ADAMTS6: variants seen among roughly 807,000 people sequenced by gnomAD.
The protein encoded by ADAMTS6 is A disintegrin and metalloproteinase with thrombospondin motifs 6.
A neutral mutation model predicts 144.3 loss-of-function variants in ADAMTS6; 23 were observed. The ratio of observed to expected loss-of-function variants is 0.16; its 90% CI spans 0.11 to 0.23. The LOEUF (loss-of-function observed/expected upper bound fraction) is 0.23. Ranked by LOEUF, ADAMTS6 falls within the 10% of genes least tolerant of loss-of-function variation. The probability of loss-of-function intolerance (pLI) is 1.00; values close to 1 mark genes in which losing one functional copy is unlikely to be tolerated. For missense variants in ADAMTS6, 999 were observed against 1,379.6 expected (o/e 0.72, Z 4.37); for synonymous variants, 444 against 457.5 (o/e 0.97, Z 0.38).
intron 7 of ADAMTS6, among the ~76,000 whole-genome samples, chr5:65,434,772 T>C (rs1757260982): frequency 6.6e-6 from 1 of 152,196 alleles, no homozygotes; most frequent in Admixed American, 6.5e-5. Flanking sequence ...ACTGGAACTC[T>C]TCTACACTGC....
intron 7 of ADAMTS6, among the ~76,000 whole-genome samples, chr5:65,403,461 T>C (rs1431139532): frequency 6.6e-6 from 1 of 152,138 alleles, no homozygotes; most frequent in East Asian, 1.9e-4. Context: ...TGATCAAGAA[T>C]TCTCGATCTT....
At chr5:65,480,549 T>C (rs923387081) in intron 1 of ADAMTS6, among the ~76,000 whole-genome samples, 1 of 152,188 alleles carries the variant, frequency 6.6e-6, no homozygotes, top group African/African-American at 2.4e-5. Context: ...CTCAGTGCGC[T>C]TTCTCAATCT....
At chr5:65,439,874 G>A (rs921547784) in intron 7 of ADAMTS6, among the ~76,000 whole-genome samples, 20 of 152,052 alleles carry the variant, frequency 1.3e-4, no homozygotes, top group African/African-American at 4.6e-4. Context: ...GCATGATTTC[G>A]GTTCACTGCA....
chr5:65,189,837 T>C (rs760440053), intron 21 of ADAMTS6, among the ~76,000 whole-genome samples: 3 of 152,240 alleles, frequency 2.0e-5, no homozygotes, highest in Non-Finnish European at 4.4e-5. Context: ...TAGTAAAATA[T>C]AGGTTACAAG....
chr5:65,227,267 T>C (rs776034012), intron 15 of ADAMTS6, among the ~76,000 whole-genome samples: 4 of 152,170 alleles, frequency 2.6e-5, no homozygotes, highest in Admixed American at 6.5e-5. Context: ...TCATTGAAAT[T>C]TGTGTTTTTT....
chr5:65,329,557 C>T, intron 8 of ADAMTS6, 74 bp from the exon 9 acceptor site: 2 of 1,299,534 alleles, frequency 1.5e-6, no homozygotes, highest in Non-Finnish European at 2.1e-6. Context: ...TTTATAAATG[C>T]CTGGATTCTT....
intron 24 of ADAMTS6, among the ~76,000 whole-genome samples, chr5:65,163,044 T>A (rs1282833189): frequency 6.6e-6 from 1 of 152,090 alleles, no homozygotes; most frequent in Non-Finnish European, 1.5e-5. Flanking sequence ...CAAGGAGCTA[T>A]GACTACAGCC....
Position 65,170,762 on chromosome 5 carries a change from C to T in ADAMTS6, c.3099G>A (p.Gln1033=), listed in dbSNP as rs756654519. Residue 1033 remains glutamine, a synonymous_variant, in exon 24 of 25, where the codon CAG becomes CAA. Transcript: ENST00000381055. ...VTGDWGQCSA[Q]CGLGQQMRTV... ...TTCTCATCTGCTGTCCAAGGCCACA[C>T]TGAGCAGAACACTAAATCCAAAGAC... 8.7e-6 allele frequency: 14 copies of T among 1,611,792 alleles called. No homozygotes were observed. In the Admixed American group the frequency reaches 1.9e-4, roughly 21 times the overall value.
intron 7 of ADAMTS6, among the ~76,000 whole-genome samples, chr5:65,423,902 C>G (rs749022036): frequency 3.9e-5 from 6 of 151,930 alleles, no homozygotes; most frequent in Non-Finnish European, 8.8e-5. Flanking sequence ...AGAAGCAATA[C>G]CAAGAATAAA....
intron 7 of ADAMTS6, among the ~76,000 whole-genome samples, chr5:65,395,741 T>A (rs1753280705): frequency 6.6e-6 from 1 of 152,182 alleles, no homozygotes; most frequent in East Asian, 1.9e-4. Flanking sequence ...CTTCTGTAGT[T>A]CTACTGTAAA....
At position 65,473,789 on chromosome 5, in the gene ADAMTS6, T is replaced by C; in HGVS notation, c.-116A>G. The C allele has an allele frequency of 1.3e-6, 1 of 768,060 alleles. No homozygotes were observed. Among genetic ancestry groups the C allele is most frequent in the Non-Finnish European group, 2.2e-6 (1 of 454,670 alleles). 47.6% of individuals were successfully genotyped at this position (768,060 alleles called of 1,614,324 possible). On this transcript the variant is annotated 5_prime_UTR_variant, in exon 2 of 25. Coordinates refer to ENST00000381055, the MANE Select transcript of ADAMTS6 (RefSeq NM_197941.4). Reference sequence around the variant, plus strand: ...TTTAAAACTTCTTGCAAATTAGTTATTGGATGTTCCACTGTTTAAGAGCCA... The same window carrying C: ...TTTAAAACTTCTTGCAAATTAGTTACTGGATGTTCCACTGTTTAAGAGCCA...
At chr5:65,365,810 A>G (rs1462930886) in intron 7 of ADAMTS6, among the ~76,000 whole-genome samples, 1 of 152,172 alleles carries the variant, frequency 6.6e-6, no homozygotes, top group Non-Finnish European at 1.5e-5. Context: ...AAACTATAAA[A>G]CATCCTATAT....
At chr5:65,188,341 A>C (rs1754798860) in intron 21 of ADAMTS6, 121 bp from the exon 22 acceptor site, 2 of 908,354 alleles carry the variant, frequency 2.2e-6, no homozygotes, top group Non-Finnish European at 3.4e-6. Context: ...TTGGTTAATA[A>C]GACAAATGGC....
Position 65,452,843 on chromosome 5 carries a change from GTGT to G in ADAMTS6, c.704_706del (p.Asn235del), listed in dbSNP as rs1341265633. ...TCTCTTCTGTCTGTGGTGGATATGT[GTGT>G]TGTTAATTGGTAGTGAATAAGAAAC... On this transcript the variant is annotated inframe_deletion, in exon 5 of 25. Coordinates refer to ENST00000381055, the MANE Select transcript of ADAMTS6 (RefSeq NM_197941.4). The G allele has an allele frequency of 6.2e-7, 1 of 1,614,048 alleles. No individual in the cohort carries two copies. Among genetic ancestry groups the G allele is most frequent in the South Asian group, 1.1e-5 (1 of 91,068 alleles).
rs1370699496 is a variant in ADAMTS6 at position 65,403,289 on chromosome 5, ACTT to A, written c.1073+48183_1073+48185del. ...GGAATCCAGACTCCACCTTTGAAAC[ACTT>A]CTTTTCTGAACATACATTTACTTCC... On this transcript the variant is annotated intron_variant, in intron 7 of 24. Transcript: ENST00000381055. Among the ~76,000 whole-genome samples the A allele has an allele frequency of 2.0e-5, 3 of 152,188 alleles. No individual in the cohort carries two copies. In the East Asian group the frequency reaches 5.8e-4, roughly 29 times the overall value.
At chr5:65,346,168 C>A (rs189799912) in intron 7 of ADAMTS6, among the ~76,000 whole-genome samples, 66 of 151,900 alleles carry the variant, frequency 4.3e-4, no homozygotes, top group Non-Finnish European at 3.0e-5. Context: ...GATATCAAAG[C>A]CAGACAAGAA....
chr5:65,208,504 T>C (rs1756276573), intron 20 of ADAMTS6, among the ~76,000 whole-genome samples: 1 of 152,182 alleles, frequency 6.6e-6, no homozygotes, highest in Non-Finnish European at 1.5e-5. Flanking sequence ...GTTTCCCTAC[T>C]GAGGCAGCCA....
At chr5:65,156,003 G>C (rs1752392162) in intron 24 of ADAMTS6, among the ~76,000 whole-genome samples, 1 of 152,120 alleles carries the variant, frequency 6.6e-6, no homozygotes, top group Admixed American at 6.5e-5. Context: ...GTACACAAGT[G>C]AAAAGGTGAT....
chr5:65,301,377 G>A (rs914021966), intron 9 of ADAMTS6, among the ~76,000 whole-genome samples: 2 of 152,162 alleles, frequency 1.3e-5, no homozygotes, highest in African/African-American at 4.8e-5. Flanking sequence ...TCAAGAAAAT[G>A]TCACTAGAGT....
Sources: gnomAD v4.1 joint callset for allele counts (sites outside exome capture counted in the v4.1 genomes callset) on GRCh38, gnomAD v4.1.1 for gene constraint, MANE v1.5 for transcripts, NCBI Gene and HGNC (gene_info 2026-07-23, HGNC 2026-07-21) for gene names.